Variants in EPHA3 observed in about 807,000 individuals in gnomAD.
The protein encoded by EPHA3 is ephrin type-A receptor 3.
EPHA3 carries 42 observed loss-of-function variants against 107.1 expected under a neutral mutation model. The ratio of observed to expected loss-of-function variants is 0.39; its 90% confidence interval spans 0.31 to 0.51. The LOEUF (loss-of-function observed/expected upper bound fraction) is 0.51. EPHA3 is among the 20% of genes least tolerant of loss of function. The probability of loss-of-function intolerance (pLI) is 0.78; values close to 1 mark genes in which losing one functional copy is unlikely to be tolerated. For synonymous variants in EPHA3, 461 were observed against 424.8 expected, an observed-to-expected ratio of 1.09 and a Z score of -1.05; for missense variants, 1,183 against 1,211.2, an observed-to-expected ratio of 0.98 and a Z score of 0.35.
intron 5 of EPHA3, among the ~76,000 whole-genome samples, chr3:89,385,942 T>C (rs1708611468): frequency 6.6e-6 from 1 of 152,222 alleles, no homozygotes; most frequent in Admixed American, 6.5e-5. Flanking sequence ...AGGAACTTGT[T>C]GGCAGCCGGA....
intron 13 of EPHA3, among the ~76,000 whole-genome samples, chr3:89,434,250 C>A (rs958771994): frequency 2.0e-5 from 3 of 152,114 alleles, no homozygotes; most frequent in Non-Finnish European, 4.4e-5. Context: ...CAGAGCCTCA[C>A]GTTGTCTCCC....
At chr3:89,411,908 T>A (rs963845098) in intron 9 of EPHA3, among the ~76,000 whole-genome samples, 1 of 151,938 alleles carries the variant, frequency 6.6e-6, no homozygotes, top group South Asian at 2.1e-4. Context: ...AACAGTAATA[T>A]CTGATTTCAT....
At chr3:89,313,851 T>C (rs1203325540) in intron 3 of EPHA3, among the ~76,000 whole-genome samples, 1 of 151,996 alleles carries the variant, frequency 6.6e-6, no homozygotes, top group Non-Finnish European at 1.5e-5. Flanking sequence ...TGTTTAAAAC[T>C]GTCAGCAGTA....
chr3:89,455,038 C>A (rs1710069494), intron 15 of EPHA3, among the ~76,000 whole-genome samples: 1 of 152,082 alleles, frequency 6.6e-6, no homozygotes, highest in Non-Finnish European at 1.5e-5. Context: ...TTTGAAAAGT[C>A]TTGCTTCTCC....
At chr3:89,429,776 GGCAATGGT>G (rs202240466) in intron 12 of EPHA3, among the ~76,000 whole-genome samples, 3,690 of 150,420 alleles carry the variant, frequency 0.025, 71 homozygotes, top group African/African-American at 0.057. Flanking sequence ...TTGTTGCCCA[GGCAATGGT>G]GCAATGGTGC....
At chr3:89,280,693 T>C (rs1705923304) in intron 3 of EPHA3, among the ~76,000 whole-genome samples, 1 of 152,174 alleles carries the variant, frequency 6.6e-6, no homozygotes, top group Admixed American at 6.5e-5. Flanking sequence ...CCATAAAATA[T>C]ATCAAGGATG....
At chr3:89,361,450 T>C (rs1708089423) in intron 5 of EPHA3, among the ~76,000 whole-genome samples, 1 of 150,854 alleles carries the variant, frequency 6.6e-6, no homozygotes, top group Non-Finnish European at 1.5e-5. Flanking sequence ...TGACATGATA[T>C]AGAGAGGCCC....
At chr3:89,471,117 A>G (rs1710392289) in intron 15 of EPHA3, among the ~76,000 whole-genome samples, 1 of 151,940 alleles carries the variant, frequency 6.6e-6, no homozygotes, top group South Asian at 2.1e-4. Flanking sequence ...TTGTTCACCT[A>G]GTGACTGGCT....
At chr3:89,430,621 T>G (rs1709547095) in intron 12 of EPHA3, among the ~76,000 whole-genome samples, 1 of 152,178 alleles carries the variant, frequency 6.6e-6, no homozygotes, top group African/African-American at 2.4e-5. Context: ...CTTTCTATTT[T>G]GTGACTACAA....
rs192280033 is a variant in EPHA3, at chr3:89,280,082, G to A, written c.815-60834G>A. Among the ~76,000 whole-genome samples the A allele has an allele frequency of 3.0e-3, 455 of 151,878 alleles. 2 individuals carry two copies. The highest frequency in any genetic ancestry group is 0.011 in the African/African-American group (446 of 41,412). On this transcript the variant is annotated intron_variant, in intron 3 of 16. Transcript: ENST00000336596. ...GTGCATTCATGCACATGTCAGAGAT[G>A]GGAACACGGTATAATATTACATCAA...
At chr3:89,396,229 C>T (rs1708849576) in intron 6 of EPHA3, among the ~76,000 whole-genome samples, 1 of 152,190 alleles carries the variant, frequency 6.6e-6, no homozygotes, top group African/African-American at 2.4e-5. Flanking sequence ...ACATTTATCT[C>T]CCTTTACACC....
At chr3:89,378,276 G>T (rs1708440165) in intron 5 of EPHA3, among the ~76,000 whole-genome samples, 1 of 152,062 alleles carries the variant, frequency 6.6e-6, no homozygotes, top group Non-Finnish European at 1.5e-5. Context: ...AATTTTTTAA[G>T]TGTATTGGGA....
At chr3:89,166,002 G>A (rs1036138369) in intron 2 of EPHA3, among the ~76,000 whole-genome samples, 2 of 152,186 alleles carry the variant, frequency 1.3e-5, no homozygotes, top group Admixed American at 6.5e-5. Context: ...TAAAGCCAGA[G>A]AGGTTAAGTA....
At chr3:89,309,056 T>A (rs1462068375) in intron 3 of EPHA3, among the ~76,000 whole-genome samples, 1 of 151,962 alleles carries the variant, frequency 6.6e-6, no homozygotes, top group African/African-American at 2.4e-5. Context: ...TAGGAAAGCT[T>A]TAAAGATGAA....
intron 3 of EPHA3, among the ~76,000 whole-genome samples, chr3:89,281,715 G>A (rs1705952459): frequency 6.6e-6 from 1 of 152,152 alleles, no homozygotes; most frequent in Admixed American, 6.5e-5. Flanking sequence ...GGGCTTCAAG[G>A]AGAAATTTAG....
chr3:89,359,133 G>A (rs765539433), intron 5 of EPHA3, among the ~76,000 whole-genome samples: 2 of 151,210 alleles, frequency 1.3e-5, no homozygotes, highest in African/African-American at 2.4e-5. Flanking sequence ...ATAATCAACA[G>A]TAATTAGTAT....
chr3:89,418,022 T>C (rs1709282629), intron 10 of EPHA3, among the ~76,000 whole-genome samples: 1 of 151,308 alleles, frequency 6.6e-6, no homozygotes. Context: ...GACAACCTGC[T>C]ACTTTTGTGG....
In EPHA3 at chr3:89,156,256, A is replaced by G. The variant is rs143035671; in HGVS notation, c.153+28983A>G. On this transcript the variant is annotated intron_variant, in intron 2 of 16. Coordinates refer to ENST00000336596, the MANE Select transcript of EPHA3 (RefSeq NM_005233.6). ...TTCATGTGAGTTTTGTTTTTGTGTG[A>G]AAGCACTTCCTTTGTATCTGGGTGT... Among the ~76,000 whole-genome samples the G allele has an allele frequency of 3.4e-3, 513 of 152,182 alleles. 2 individuals are homozygous for G. Among genetic ancestry groups the G allele is most frequent in the Non-Finnish European group, 3.9e-3 (263 of 67,988 alleles).
At chr3:89,343,404 T>C (rs1707577327) in intron 5 of EPHA3, among the ~76,000 whole-genome samples, 1 of 152,184 alleles carries the variant, frequency 6.6e-6, no homozygotes, top group African/African-American at 2.4e-5. Flanking sequence ...GCCTCTCTAC[T>C]GGTTAATTTC....
Sources: allele counts gnomAD v4.1 joint callset (sites outside exome capture counted in the v4.1 genomes callset), GRCh38; gene constraint gnomAD v4.1.1; transcripts MANE v1.5; gene names NCBI Gene and HGNC (gene_info 2026-07-23, HGNC 2026-07-21).